The following MFSD2B variants were observed in gnomAD, a reference collection of about 807,000 sequenced individuals.
MFSD2B encodes the protein sphingosine-1-phosphate transporter MFSD2B.
MFSD2B carries 56 observed loss-of-function variants against 58.4 expected under a neutral mutation model. The ratio of observed to expected loss-of-function variants is 0.96; its 90% CI spans 0.77 to 1.20. The LOEUF (loss-of-function observed/expected upper bound fraction) is 1.20. Ranked by LOEUF, MFSD2B falls within the 50% of genes most tolerant of loss-of-function variation. The pLI is 0.00. For synonymous variants in MFSD2B, 287 were observed against 294.4 expected (o/e 0.97, Z 0.26); for missense variants, 645 against 667.6 (o/e 0.97, Z 0.37).
chr2:24,023,669 T>A lies in MFSD2B; in HGVS notation c.1256T>A (p.Val419Asp), dbSNP rs1219129255. The A allele has an allele frequency of 1.2e-6, 2 of 1,613,886 alleles. No homozygotes were observed. Among genetic ancestry groups the A allele is most frequent in the East Asian group, 4.5e-5 (2 of 44,880 alleles). ...GAGACCATCTTCTACTCCTCCTACG[T>A]CTTCTTCACCAAGCTGTCTGGCGCA... ...GLETIFYSSYVFFTKLSGACA... is the reference protein window; with the variant it reads ...GLETIFYSSYDFFTKLSGACA... The change falls in exon 12 of 14, where the codon GTC (valine) becomes GAC (aspartate). Residue 419 changes from valine to aspartate, a missense_variant. Physicochemically the swap from Val to Asp is radical, Grantham distance 152 (BLOSUM62 -3). Transcript: ENST00000338315. This position sits in a 1 kb window ranked among gnomAD's most constrained non-coding sequence, Gnocchi z 5.0.
At chr2:24,010,669 G>A in intron 1 of MFSD2B, among the ~76,000 whole-genome samples, 1 of 152,238 alleles carries the variant, frequency 6.6e-6, no homozygotes, top group Non-Finnish European at 1.5e-5. Context: ...GCTCCGACAA[G>A]AAGGGAGGAG....
rs1573644108 is a variant in MFSD2B at position 24,022,311 on chromosome 2, T to C, written c.895-122T>C. Reference sequence around the variant, plus strand: ...GTGTCCTTTGTGGGGGAAGGGACTGTATGATGGTAGCAGCAAGCCAAGGTC... The same window carrying C: ...GTGTCCTTTGTGGGGGAAGGGACTGCATGATGGTAGCAGCAAGCCAAGGTC... On this transcript the variant is annotated intron_variant, in intron 8 of 13. Coordinates refer to ENST00000338315, the MANE Select transcript of MFSD2B (RefSeq NM_001346880.2). The surrounding 1 kb of genome is among the most constrained non-coding windows in gnomAD (Gnocchi z 4.5). 3 of 803,110 alleles carry C rather than the reference T, an allele frequency of 3.7e-6. No individual in the cohort carries two copies. Among genetic ancestry groups the C allele is most frequent in the East Asian group, 5.3e-5 (2 of 37,482 alleles). 49.7% of individuals were successfully genotyped at this position (803,110 alleles called of 1,614,324 possible).
rs1424174157 is a variant in MFSD2B, at chr2:24,021,289, T to G, written c.682-359T>G. Among the ~76,000 whole-genome samples, 1 of 152,186 alleles carries G rather than the reference T, an allele frequency of 6.6e-6. No individual in the cohort carries two copies. The highest frequency in any genetic ancestry group is 1.5e-5 in the Non-Finnish European group (1 of 68,030). Reference sequence around the variant, plus strand: ...GTCTTCCTCCCCACACTCTGAGCCCTGTGGATGGACAGGGCTCACTTATTC... The same window carrying G: ...GTCTTCCTCCCCACACTCTGAGCCCGGTGGATGGACAGGGCTCACTTATTC... On this transcript the variant is annotated intron_variant, in intron 6 of 13. Coordinates refer to ENST00000338315, the MANE Select transcript of MFSD2B (RefSeq NM_001346880.2). This position sits in a 1 kb window ranked among gnomAD's most constrained non-coding sequence, Gnocchi z 5.7.
Position 24,012,158 on chromosome 2 carries a change from AC to A in MFSD2B, c.97-1126del, listed in dbSNP as rs1558318694. ...AAACAAACAAACAAACAAAACACAC[AC>A]ACACACACACACACACACACAAAAA... On this transcript the variant is annotated intron_variant, in intron 1 of 13. Coordinates refer to ENST00000338315, the MANE Select transcript of MFSD2B (RefSeq NM_001346880.2). This position sits in a 1 kb window ranked among gnomAD's most constrained non-coding sequence, Gnocchi z 4.5. Among the ~76,000 whole-genome samples the A allele has an allele frequency of 9.6e-5, 7 of 72,542 alleles. No individual in the cohort carries two copies. In the South Asian group the frequency reaches 2.0e-3, roughly 20 times the overall value. 47.6% of individuals were successfully genotyped at this position (72,542 alleles called of 152,430 possible). A position where few individuals can be genotyped will look rare whatever the true frequency, so the allele number is the denominator to read the frequency against.
rs751377130 is a variant in MFSD2B at position 24,024,076 on chromosome 2, C to T, written c.1314-19C>T. 2.5e-6 allele frequency: 4 copies of T among 1,612,148 alleles called. No individual in the cohort carries two copies. In the Admixed American group the frequency reaches 6.7e-5, roughly 27 times the overall value. On this transcript the variant is annotated intron_variant, in intron 12 of 13. Transcript: ENST00000338315. This position sits in a 1 kb window ranked among gnomAD's most constrained non-coding sequence, Gnocchi z 4.3. ...GGCTCAGCAGGCCCTGCCCTAATGG[C>T]TGGCTGATGTTTCTCCAGGTTCTCG...
In MFSD2B at chr2:24,016,987, T is replaced by C. The variant is rs371588470; in HGVS notation, c.471+19T>C. ...GGCCACGGTAAGCAGGGCCCCTTCC[T>C]GGGCCTGTGCTCTGGCGAAGCCCAT... On this transcript the variant is annotated intron_variant, in intron 4 of 13. Transcript: ENST00000338315. The C allele has an allele frequency of 1.9e-6, 3 of 1,612,970 alleles. No individual in the cohort carries two copies. The highest frequency in any genetic ancestry group is 2.5e-6 in the Non-Finnish European group (3 of 1,179,808).
chr2:24,015,241 G>A (rs115488926), intron 2 of MFSD2B, among the ~76,000 whole-genome samples: 5,540 of 151,548 alleles, frequency 0.037, 158 homozygotes, highest in South Asian at 0.086. Context: ...TTCAAGACCA[G>A]CCTGGGCAAC....
At position 24,014,443 on chromosome 2, in the gene MFSD2B, C is replaced by A. The variant is rs115372421; in HGVS notation, c.222+1033C>A. Among the ~76,000 whole-genome samples the A allele has an allele frequency of 4.2e-3, 639 of 152,300 alleles. 1 individual carries two copies. The highest frequency in any genetic ancestry group is 7.3e-3 in the Non-Finnish European group (495 of 68,018). On this transcript the variant is annotated intron_variant, in intron 2 of 13. Transcript: ENST00000338315. Reference sequence around the variant, plus strand: ...TGCTGGGATTACAGGCGTGAGCCACCGTGCCTGGCCAAGACAATTCTTCTT... The same window carrying A: ...TGCTGGGATTACAGGCGTGAGCCACAGTGCCTGGCCAAGACAATTCTTCTT...
At chr2:24,015,329 G>A (rs1709100340) in intron 2 of MFSD2B, among the ~76,000 whole-genome samples, 1 of 152,000 alleles carries the variant, frequency 6.6e-6, no homozygotes, top group East Asian at 1.9e-4. Context: ...GAACGTGCCT[G>A]TGGTCTCAGC....
At position 24,010,139 on chromosome 2, in the gene MFSD2B, C is replaced by T; in HGVS notation, c.43C>T (p.Pro15Ser). Residue 15 changes from proline to serine, a missense_variant, in exon 1 of 14, where the codon CCG (proline) becomes TCG (serine). By Grantham distance (74) the Pro-to-Ser change is moderately conservative. Transcript: ENST00000338315. ...ACCAGCCGCCAAGGGGTCCCCGCAG[C>T]CGGAGCCGCACGCCCCAGAGCCCGG... ...PAPAAKGSPQPEPHAPEPGPG... is the reference protein window; with the variant it reads ...PAPAAKGSPQSEPHAPEPGPG... 6.8e-7 allele frequency: 1 copy of T among 1,463,758 alleles called. No homozygotes were observed. Among genetic ancestry groups the T allele is most frequent in the Non-Finnish European group, 9.0e-7 (1 of 1,114,364 alleles). 90.7% of individuals were successfully genotyped at this position (1,463,758 alleles called of 1,614,324 possible). A position where few individuals can be genotyped will look rare whatever the true frequency, so the allele number is the denominator to read the frequency against.
chr2:24,023,673 C>T lies in MFSD2B; in HGVS notation c.1260C>T (p.Phe420=), dbSNP rs763664602. Residue 420 remains phenylalanine, a synonymous_variant, in exon 12 of 14, where the codon TTC becomes TTT. Transcript: ENST00000338315. The surrounding 1 kb of genome is among the most constrained non-coding windows in gnomAD (Gnocchi z 5.0). ...CCATCTTCTACTCCTCCTACGTCTT[C>T]TTCACCAAGCTGTCTGGCGCATGTG... ...LETIFYSSYV[F]FTKLSGACAL... is the part of the protein sequence containing the mutation. 1.2e-6 allele frequency: 2 copies of T among 1,613,972 alleles called. No homozygotes were observed. The highest frequency in any genetic ancestry group is 1.7e-6 in the Non-Finnish European group (2 of 1,179,852).
In MFSD2B at chr2:24,022,450, G is replaced by C. The variant is rs1662825932; in HGVS notation, c.912G>C (p.Leu304=). ...CTCCTCAGGTGGAGCAGAGCTACCT[G>C]GTCCTGTTCTGTACACATGCCTCCC... ...SAAVQVEQSY[L]VLFCTHASQL... is the part of the protein sequence containing the mutation. Residue 304 remains leucine (L), a synonymous_variant, in exon 9 of 14, where the codon CTG becomes CTC. Transcript: ENST00000338315. The surrounding 1 kb of genome is among the most constrained non-coding windows in gnomAD (Gnocchi z 4.5). 14 of 1,613,138 alleles carry C rather than the reference G, an allele frequency of 8.7e-6. No individual in the cohort carries two copies. The highest frequency in any genetic ancestry group is 1.2e-5 in the Non-Finnish European group (14 of 1,179,632).
rs1426418882 is a variant in MFSD2B, at chr2:24,010,127, G to C, written c.31G>C (p.Gly11Arg). 1 of 1,462,388 alleles carries C rather than the reference G, an allele frequency of 6.8e-7. No homozygotes were observed. Among genetic ancestry groups the C allele is most frequent in the East Asian group, 3.0e-5 (1 of 33,658 alleles). 90.6% of individuals were successfully genotyped at this position (1,462,388 alleles called of 1,614,324 possible). A position where few individuals can be genotyped will look rare whatever the true frequency, so the allele number is the denominator to read the frequency against. MAAPPAPAAK[G>R]SPQPEPHAPE... Reference sequence around the variant, plus strand: ...GGCGCCCCCTGCACCAGCCGCCAAGGGGTCCCCGCAGCCGGAGCCGCACGC... The same window carrying C: ...GGCGCCCCCTGCACCAGCCGCCAAGCGGTCCCCGCAGCCGGAGCCGCACGC... The change falls in exon 1 of 14, where the codon GGG becomes CGG. Residue 11 changes from glycine (G) to arginine (R), a missense_variant. Gly to Arg is a moderately radical substitution (Grantham distance 125). Coordinates refer to ENST00000338315, the MANE Select transcript of MFSD2B (RefSeq NM_001346880.2).
At position 24,013,349 on chromosome 2, in the gene MFSD2B, A is replaced by G. The variant is rs535757110; in HGVS notation, c.161A>G (p.Asn54Ser). 7 of 1,612,010 alleles carry G rather than the reference A, an allele frequency of 4.3e-6. 1 individual carries two copies. The highest frequency in any genetic ancestry group is 2.2e-5 in the South Asian group (2 of 90,610). ...TGCTATGGCATTGGTGGGGTCCCCAACCAGATAGCCTCCAGCGCCACAGCC... is the reference window on the plus strand; with the variant it reads ...TGCTATGGCATTGGTGGGGTCCCCAGCCAGATAGCCTCCAGCGCCACAGCC... ...KVCYGIGGVP[N>S]QIASSATAFY... The change falls in exon 2 of 14, where the codon AAC becomes AGC. Residue 54 changes from asparagine (N) to serine (S), a missense_variant. Asn to Ser is a conservative substitution (Grantham distance 46). Transcript: ENST00000338315.
rs1317732125 is a variant in MFSD2B at position 24,021,572 on chromosome 2, A to G, written c.682-76A>G. The G allele has an allele frequency of 1.5e-5, 20 of 1,364,316 alleles. No individual in the cohort carries two copies. The highest frequency in any genetic ancestry group is 1.9e-5 in the Non-Finnish European group (19 of 976,016). The allele number at this position is 1,364,316 out of a possible 1,614,324, so 84.5% of individuals were successfully genotyped here. A position where few individuals can be genotyped will look rare whatever the true frequency, so the allele number is the denominator to read the frequency against. On this transcript the variant is annotated intron_variant, in intron 6 of 13. Coordinates refer to ENST00000338315, the MANE Select transcript of MFSD2B (RefSeq NM_001346880.2). The surrounding 1 kb of genome is among the most constrained non-coding windows in gnomAD (Gnocchi z 5.7). Reference sequence around the variant, plus strand: ...CCCTCCGCTCCCACTGGGAGGCAGTACTGCCCTGCCCCTCCGGTGTCACCA... The same window carrying G: ...CCCTCCGCTCCCACTGGGAGGCAGTGCTGCCCTGCCCCTCCGGTGTCACCA...
chr2:24,011,760 A>T (rs951782779), intron 1 of MFSD2B, among the ~76,000 whole-genome samples: 5 of 152,348 alleles, frequency 3.3e-5, no homozygotes, highest in Admixed American at 6.5e-5. Flanking sequence ...GGTGGAGTTC[A>T]TGCTCTCAGA....
At chr2:24,016,482 C>T (rs964088427) in intron 3 of MFSD2B, among the ~76,000 whole-genome samples, 4 of 152,166 alleles carry the variant, frequency 2.6e-5, no homozygotes, top group African/African-American at 7.2e-5. Flanking sequence ...CCAGATGGCA[C>T]GGGGCTGGAT....
chr2:24,021,576 C>G lies in MFSD2B; in HGVS notation c.682-72C>G. The G allele has an allele frequency of 7.1e-7, 1 of 1,403,276 alleles. No individual in the cohort carries two copies. The highest frequency in any genetic ancestry group is 9.9e-7 in the Non-Finnish European group (1 of 1,010,252). The allele number at this position is 1,403,276 out of a possible 1,614,324, so 86.9% of individuals were successfully genotyped here. On this transcript the variant is annotated intron_variant, in intron 6 of 13. Coordinates refer to ENST00000338315, the MANE Select transcript of MFSD2B (RefSeq NM_001346880.2). The surrounding 1 kb of genome is among the most constrained non-coding windows in gnomAD (Gnocchi z 5.7). Reference sequence around the variant, plus strand: ...CCGCTCCCACTGGGAGGCAGTACTGCCCTGCCCCTCCGGTGTCACCACCTC... The same window carrying G: ...CCGCTCCCACTGGGAGGCAGTACTGGCCTGCCCCTCCGGTGTCACCACCTC...
chr2:24,024,012 G>A lies in MFSD2B; in HGVS notation c.1314-83G>A. ...AAGTCCACGTTTCAGGAGGGGGTGG[G>A]GTGGGGTGAGGTGTCGAGTCCCTCC... On this transcript the variant is annotated intron_variant, in intron 12 of 13. Coordinates refer to ENST00000338315, the MANE Select transcript of MFSD2B (RefSeq NM_001346880.2). This position sits in a 1 kb window ranked among gnomAD's most constrained non-coding sequence, Gnocchi z 4.3. 7.4e-7 allele frequency: 1 copy of A among 1,354,570 alleles called. No homozygotes were observed. Among genetic ancestry groups the A allele is most frequent in the East Asian group, 2.3e-5 (1 of 43,236 alleles). 83.9% of individuals were successfully genotyped at this position (1,354,570 alleles called of 1,614,324 possible). A position where few individuals can be genotyped will look rare whatever the true frequency, so the allele number is the denominator to read the frequency against.
Sources: gnomAD v4.1 joint callset for allele counts (sites outside exome capture counted in the v4.1 genomes callset) on GRCh38, gnomAD v4.1.1 for gene constraint, Gnocchi (gnomAD v3.1) non-coding constraint, MANE v1.5 for transcripts, NCBI Gene and HGNC (gene_info 2026-07-23, HGNC 2026-07-21) for gene names.